AGAP1: variants seen among roughly 807,000 people sequenced by gnomAD.
AGAP1 encodes ArfGAP with GTPase domain, ankyrin repeat and PH domain 1, also known as arf-GAP with GTPase, ANK repeat and PH domain-containing protein 1.
Under a neutral mutation model 105.3 loss-of-function variants are expected in AGAP1, and 29 were observed. That is an observed-to-expected ratio of 0.28 (90% CI 0.21 to 0.38). The LOEUF (loss-of-function observed/expected upper bound fraction) is 0.38. AGAP1 is among the 10% of genes least tolerant of loss of function. The pLI, the probability that AGAP1 is intolerant of heterozygous loss-of-function variation, is 1.00. For missense variants in AGAP1, 998 were observed against 1,165.1 expected (o/e 0.86, Z 2.09); for synonymous variants, 509 against 485.9 (o/e 1.05, Z -0.63).
chr2:235,825,217 G>A (rs1477938038), intron 9 of AGAP1, among the ~76,000 whole-genome samples: 1 of 152,230 alleles, frequency 6.6e-6, no homozygotes, highest in African/African-American at 2.4e-5. Context: ...CTTCTTGACC[G>A]AGGGGAGAGG....
At chr2:235,742,855 G>A (rs563757732) in intron 4 of AGAP1, among the ~76,000 whole-genome samples, 2 of 152,246 alleles carry the variant, frequency 1.3e-5, no homozygotes, top group South Asian at 4.1e-4. Context: ...AAGCACAAAA[G>A]CTTAAATATA....
At position 235,587,884 on chromosome 2, in the gene AGAP1, G is replaced by A. The variant is rs140684360; in HGVS notation, c.163+93035G>A. On this transcript the variant is annotated intron_variant, in intron 1 of 17. Transcript: ENST00000304032. ...CCTGCTGCTCCTTCCACGCCTGCCCGGTCCCTGCAGCTTCCCATGAACGGA... is the reference window on the plus strand; with the variant it reads ...CCTGCTGCTCCTTCCACGCCTGCCCAGTCCCTGCAGCTTCCCATGAACGGA... 2.6e-4 allele frequency among the ~76,000 whole-genome samples: 39 copies of A among 152,140 alleles called. No homozygotes were observed. The East Asian group carries it at 6.8e-3, about 27-fold the overall frequency.
rs1340455911 is a variant in AGAP1, at chr2:235,830,152, G to A, written c.1050+22821G>A. ...CAGTACTTGCCAAGGCAAGGCCACCGTGATCCGAGACTGGGAGGCCCAGAA... is the reference window on the plus strand; with the variant it reads ...CAGTACTTGCCAAGGCAAGGCCACCATGATCCGAGACTGGGAGGCCCAGAA... On this transcript the variant is annotated intron_variant, in intron 9 of 17. Transcript: ENST00000304032. This position sits in a 1 kb window ranked among gnomAD's most constrained non-coding sequence, Gnocchi z 5.5. Among the ~76,000 whole-genome samples, 5 of 150,662 alleles carry A rather than the reference G, an allele frequency of 3.3e-5. No homozygotes were observed. Among genetic ancestry groups the A allele is most frequent in the Non-Finnish European group, 5.9e-5 (4 of 67,760 alleles).
intron 12 of AGAP1, among the ~76,000 whole-genome samples, chr2:235,952,366 A>T (rs1559687614): frequency 6.6e-6 from 1 of 151,800 alleles, no homozygotes; most frequent in Non-Finnish European, 1.5e-5. Flanking sequence ...AAAAAAAAAA[A>T]TTTCATCAGC....
chr2:235,723,048 C>T lies in AGAP1; in HGVS notation c.310+5404C>T, dbSNP rs1951467054. ...AGAACTGTTGGAGTTGGCCCCATCA[C>T]TTGGTGGTGGTCATGGTTCTGCCAG... On this transcript the variant is annotated intron_variant, in intron 3 of 17. Transcript: ENST00000304032. The surrounding 1 kb of genome is among the most constrained non-coding windows in gnomAD (Gnocchi z 6.2). Among the ~76,000 whole-genome samples the T allele has an allele frequency of 6.6e-6, 1 of 152,160 alleles. No individual in the cohort carries two copies. Among genetic ancestry groups the T allele is most frequent in the East Asian group, 1.9e-4 (1 of 5,186 alleles).
chr2:235,852,853 G>T (rs1052553957), intron 9 of AGAP1: 43 of 1,452,086 alleles, frequency 3.0e-5, no homozygotes, highest in Non-Finnish European at 3.7e-5. Flanking sequence ...TGATGAATTA[G>T]CGGTGGGAGT....
chr2:235,592,750 C>T (rs150650965), intron 1 of AGAP1, among the ~76,000 whole-genome samples: 19 of 152,206 alleles, frequency 1.2e-4, no homozygotes, highest in African/African-American at 4.6e-4. Flanking sequence ...TGTATCTGGC[C>T]GAGGTTGCTT....
intron 1 of AGAP1, among the ~76,000 whole-genome samples, chr2:235,656,878 G>C (rs192491909): frequency 6.6e-6 from 1 of 152,148 alleles, no homozygotes. Context: ...GAAAGGAAAA[G>C]GAGAGGCATC....
At position 235,953,306 on chromosome 2, in the gene AGAP1, T is replaced by G. The variant is rs1400241741; in HGVS notation, c.1484-15156T>G. Among the ~76,000 whole-genome samples, 2 of 152,244 alleles carry G rather than the reference T, an allele frequency of 1.3e-5. No individual in the cohort carries two copies. Among genetic ancestry groups the G allele is most frequent in the African/African-American group, 2.4e-5 (1 of 41,468 alleles). On this transcript the variant is annotated intron_variant, in intron 12 of 17. Transcript: ENST00000304032. The surrounding 1 kb of genome is among the most constrained non-coding windows in gnomAD (Gnocchi z 5.2). The stretch of plus-strand genomic sequence containing the variant: ...AAAAGTACCCCGATGGTTCCCACAG[T>G]TGCCTTCTAACATAACAAAAGGTTA...
At chr2:236,018,979 C>A (rs1004724295) in intron 13 of AGAP1, among the ~76,000 whole-genome samples, 13 of 152,242 alleles carry the variant, frequency 8.5e-5, no homozygotes, top group Non-Finnish European at 1.8e-4. Flanking sequence ...CTTCGCGCCT[C>A]AGGCCTGCAG....
chr2:235,639,807 C>G lies in AGAP1; in HGVS notation c.164-69372C>G, dbSNP rs1947130275. Among the ~76,000 whole-genome samples, 1 of 152,160 alleles carries G rather than the reference C, an allele frequency of 6.6e-6. No homozygotes were observed. Among genetic ancestry groups the G allele is most frequent in the Non-Finnish European group, 1.5e-5 (1 of 68,020 alleles). ...AGGCTCTGAAAAACACTTTTAAGAG[C>G]AGGTTAAACTGTTCTCGGACTTCTT... On this transcript the variant is annotated intron_variant, in intron 1 of 17. Coordinates refer to ENST00000304032, the MANE Select transcript of AGAP1 (RefSeq NM_001037131.3). This position sits in a 1 kb window ranked among gnomAD's most constrained non-coding sequence, Gnocchi z 5.3.
chr2:235,566,529 G>T lies in AGAP1; in HGVS notation c.163+71680G>T. 9.3e-6 allele frequency: 9 copies of T among 970,148 alleles called. No homozygotes were observed. The highest frequency in any genetic ancestry group is 1.1e-5 in the Non-Finnish European group (9 of 816,024). The allele number at this position is 970,148 out of a possible 1,614,324, so 60.1% of individuals were successfully genotyped here. A position where few individuals can be genotyped will look rare whatever the true frequency, so the allele number is the denominator to read the frequency against. ...AGTGAAAAGCACAAATCATCAGTGC[G>T]CCGTACGTTTTGGCCAGCACTTTAT... On this transcript the variant is annotated intron_variant, in intron 1 of 17. Transcript: ENST00000304032. The surrounding 1 kb of genome is among the most constrained non-coding windows in gnomAD (Gnocchi z 5.2).
rs1013221919 is a variant in AGAP1, at chr2:235,960,534, T to C, written c.1484-7928T>C. On this transcript the variant is annotated intron_variant, in intron 12 of 17. Transcript: ENST00000304032. This position sits in a 1 kb window ranked among gnomAD's most constrained non-coding sequence, Gnocchi z 4.9. Reference sequence around the variant, plus strand: ...CAGTGCAGGTGGGCGTGCGGACTCTTCCGTACCTCACTTCTCCCTGCACCT... The same window carrying C: ...CAGTGCAGGTGGGCGTGCGGACTCTCCCGTACCTCACTTCTCCCTGCACCT... 6.6e-6 allele frequency among the ~76,000 whole-genome samples: 1 copy of C among 152,084 alleles called. No individual in the cohort carries two copies. Among genetic ancestry groups the C allele is most frequent in the Non-Finnish European group, 1.5e-5 (1 of 68,000 alleles).
At chr2:236,097,059 G>A (rs2059208735) in intron 16 of AGAP1, among the ~76,000 whole-genome samples, 1 of 152,198 alleles carries the variant, frequency 6.6e-6, no homozygotes, top group Non-Finnish European at 1.5e-5. Context: ...CTTATGGTTT[G>A]GGATTCAAGT....
chr2:235,725,186 C>T lies in AGAP1; in HGVS notation c.310+7542C>T, dbSNP rs745838751. ...GCTGGCTGTACAGCCACCTGCAAGT[C>T]TTTGTTCCCGGGGTTAGCCTTGCCA... On this transcript the variant is annotated intron_variant, in intron 3 of 17. Coordinates refer to ENST00000304032, the MANE Select transcript of AGAP1 (RefSeq NM_001037131.3). The surrounding 1 kb of genome is among the most constrained non-coding windows in gnomAD (Gnocchi z 5.7). Among the ~76,000 whole-genome samples, 2 of 152,208 alleles carry T rather than the reference C, an allele frequency of 1.3e-5. No individual in the cohort carries two copies. The highest frequency in any genetic ancestry group is 2.9e-5 in the Non-Finnish European group (2 of 68,042).
rs1179380412 is a variant in AGAP1 at position 235,549,477 on chromosome 2, G to A, written c.163+54628G>A. ...GTTCATCAGCCAGCATGAGACCCTC[G>A]CTTCCAGCCTGTGCCTTTAGCCCAG... On this transcript the variant is annotated intron_variant, in intron 1 of 17. Transcript: ENST00000304032. This position sits in a 1 kb window ranked among gnomAD's most constrained non-coding sequence, Gnocchi z 4.2. Among the ~76,000 whole-genome samples, 3 of 152,144 alleles carry A rather than the reference G, an allele frequency of 2.0e-5. No homozygotes were observed. Among genetic ancestry groups the A allele is most frequent in the South Asian group, 4.1e-4 (2 of 4,822 alleles).
At chr2:235,511,719 T>G (rs1031868320) in intron 1 of AGAP1, among the ~76,000 whole-genome samples, 1 of 151,546 alleles carries the variant, frequency 6.6e-6, no homozygotes, top group Non-Finnish European at 1.5e-5. Flanking sequence ...GTTCTTCTAT[T>G]TGTAGGGTGG....
chr2:235,582,344 C>T lies in AGAP1; in HGVS notation c.163+87495C>T, dbSNP rs2149191866. On this transcript the variant is annotated intron_variant, in intron 1 of 17. Coordinates refer to ENST00000304032, the MANE Select transcript of AGAP1 (RefSeq NM_001037131.3). This position sits in a 1 kb window ranked among gnomAD's most constrained non-coding sequence, Gnocchi z 4.7. ...GCTGGCATTTAGGGTGTCACTAAAG[C>T]CCAAGACCAGGATTGCTTGTCCTTT... 6.6e-6 allele frequency among the ~76,000 whole-genome samples: 1 copy of T among 152,224 alleles called. No homozygotes were observed. The highest frequency in any genetic ancestry group is 1.9e-4 in the East Asian group (1 of 5,158).
intron 9 of AGAP1, among the ~76,000 whole-genome samples, chr2:235,880,102 T>A (rs1345920289): frequency 5.1e-5 from 7 of 137,762 alleles, no homozygotes; most frequent in South Asian, 2.2e-4. Flanking sequence ...TTTTTTTTTT[T>A]AAAGTTTTAA....
Sources: gnomAD v4.1 joint callset for allele counts (sites outside exome capture counted in the v4.1 genomes callset) on GRCh38, gnomAD v4.1.1 for gene constraint, Gnocchi (gnomAD v3.1) non-coding constraint, MANE v1.5 for transcripts, NCBI Gene and HGNC (gene_info 2026-07-23, HGNC 2026-07-21) for gene names.